Variants in RAD54L observed in about 807,000 individuals in gnomAD.
RAD54L encodes the protein RAD54 like.
In RAD54L, 74 loss-of-function variants were observed where a neutral mutation model predicts 91.6. The ratio of observed to expected loss-of-function variants is 0.81; its 90% confidence interval spans 0.67 to 0.98. The LOEUF (loss-of-function observed/expected upper bound fraction) is 0.98, where lower values mean the gene tolerates loss of function less well. RAD54L is among the 50% of genes least tolerant of loss of function. RAD54L has a pLI of 0.00. For missense variants in RAD54L, 887 were observed against 945.7 expected (o/e 0.94, Z 0.81); for synonymous variants, 304 against 349.7 (o/e 0.87, Z 1.46).
rs1035590952 is a variant in RAD54L, at chr1:46,265,858, G to T, written c.892-1601G>T. 6.6e-6 allele frequency among the ~76,000 whole-genome samples: 1 copy of T among 152,190 alleles called. No individual in the cohort carries two copies. Among genetic ancestry groups the T allele is most frequent in the African/African-American group, 2.4e-5 (1 of 41,438 alleles). ...CAGCTCTGCTACTTTCTACCGGCAT[G>T]ATTTTGGATAACTGTTTACCTCTCT... On this transcript the variant is annotated intron_variant, in intron 8 of 17. Transcript: ENST00000371975. This position sits in a 1 kb window ranked among gnomAD's most constrained non-coding sequence, Gnocchi z 4.8.
Position 46,272,777 on chromosome 1 carries a change from C to T in RAD54L, c.1350C>T (p.Ile450=), listed in dbSNP as rs776624974. The part of the protein sequence containing the change: ...GKMSVSSLSS[I]TSLKKLCNHP... ...TGAGTGTGTCTTCCCTTTCTTCCAT[C>T]ACCTCGCTAAAGAAGCTTTGTAATC... The change falls in exon 12 of 18, where the codon ATC becomes ATT. Residue 450 remains isoleucine (I), a synonymous_variant. Transcript: ENST00000371975. 17 of 1,614,048 alleles carry T rather than the reference C, an allele frequency of 1.1e-5. No individual in the cohort carries two copies. Among genetic ancestry groups the T allele is most frequent in the Non-Finnish European group, 1.4e-5 (16 of 1,180,034 alleles).
intron 9 of RAD54L, among the ~76,000 whole-genome samples, chr1:46,268,815 G>T (rs1660337501): frequency 6.6e-6 from 1 of 152,182 alleles, no homozygotes; most frequent in Non-Finnish European, 1.5e-5. Flanking sequence ...GCCCAGGCTG[G>T]AGTACAGCGT....
chr1:46,248,957 T>C (rs1466828570), intron 2 of RAD54L, among the ~76,000 whole-genome samples: 1 of 152,174 alleles, frequency 6.6e-6, no homozygotes, highest in East Asian at 1.9e-4. Flanking sequence ...TAGAGTGTTC[T>C]GGGCCTACCT....
intron 6 of RAD54L, 28 bp downstream of exon 6, chr1:46,260,639 T>A (rs938829540): frequency 2.0e-5 from 32 of 1,613,746 alleles, no homozygotes; most frequent in Admixed American, 8.3e-5. Flanking sequence ...GAACGAGGTA[T>A]GGGCTATGGG....
At chr1:46,254,211 G>A (rs1232003991) in intron 3 of RAD54L, among the ~76,000 whole-genome samples, 2 of 152,048 alleles carry the variant, frequency 1.3e-5, no homozygotes, top group Non-Finnish European at 2.9e-5. Context: ...TTGACCTTGA[G>A]TGATCTGCCT....
intron 16 of RAD54L, 35 bp from the exon 17 acceptor site, chr1:46,277,782 G>A (rs748932624): frequency 5.1e-6 from 8 of 1,570,252 alleles, no homozygotes; most frequent in Middle Eastern, 1.7e-4. Context: ...GCTAAGCGCT[G>A]TATCTTTTGA....
Position 46,249,989 on chromosome 1 carries a change from C to T in RAD54L, c.91-11C>T, listed in dbSNP as rs1659753354. On this transcript the variant is annotated splice_polypyrimidine_tract_variant and intron_variant, in intron 2 of 17. Transcript: ENST00000371975. ...CTTCTAGACTTCACCTTTCCCAATT[C>T]TCTCTCCTAGACTCCTAGGAAACGG... 1 of 1,613,702 alleles carries T rather than the reference C, an allele frequency of 6.2e-7. No homozygotes were observed. The highest frequency in any genetic ancestry group is 8.5e-7 in the Non-Finnish European group (1 of 1,179,612).
Position 46,265,097 on chromosome 1 carries a change from G to A in RAD54L, c.892-2362G>A, listed in dbSNP as rs913157739. Among the ~76,000 whole-genome samples the A allele has an allele frequency of 5.3e-5, 8 of 152,124 alleles. No homozygotes were observed. The highest frequency in any genetic ancestry group is 9.7e-5 in the African/African-American group (4 of 41,440). On this transcript the variant is annotated intron_variant, in intron 8 of 17. Transcript: ENST00000371975. This position sits in a 1 kb window ranked among gnomAD's most constrained non-coding sequence, Gnocchi z 4.8. Reference sequence around the variant, plus strand: ...CTGGACCTGTTGGGTAATTTCCTCTGACTTTCAAGTCTCATTTCCCTCTTC... The same window carrying A: ...CTGGACCTGTTGGGTAATTTCCTCTAACTTTCAAGTCTCATTTCCCTCTTC...
intron 16 of RAD54L, 79 bp downstream of exon 16, chr1:46,274,796 C>G (rs1269733317): frequency 1.3e-6 from 2 of 1,565,314 alleles, no homozygotes; most frequent in Non-Finnish European, 1.8e-6. Context: ...CTTAGTGCCT[C>G]TCTTTGGCCT....
chr1:46,257,677 T>C (rs1314983906), intron 3 of RAD54L, among the ~76,000 whole-genome samples: 1 of 152,208 alleles, frequency 6.6e-6, no homozygotes, highest in Non-Finnish European at 1.5e-5. Flanking sequence ...TTTTTCTTAG[T>C]GTTGGGCTTA....
chr1:46,258,970 C>T (rs1234864460), intron 4 of RAD54L, among the ~76,000 whole-genome samples: 6 of 152,108 alleles, frequency 3.9e-5, no homozygotes, highest in Non-Finnish European at 8.8e-5. Context: ...AGAGGTGTCC[C>T]GGTGCTCAGA....
chr1:46,259,358 G>A (rs1012265427), intron 4 of RAD54L, among the ~76,000 whole-genome samples: 1 of 152,078 alleles, frequency 6.6e-6, no homozygotes, highest in Admixed American at 6.6e-5. Flanking sequence ...CCATGAAAGT[G>A]CCCTTTAGAA....
intron 3 of RAD54L, among the ~76,000 whole-genome samples, chr1:46,252,779 T>G (rs1479758548): frequency 1.3e-5 from 2 of 152,076 alleles, no homozygotes; most frequent in Non-Finnish European, 2.9e-5. Context: ...ACATTAAAAA[T>G]GTACTTGCAG....
chr1:46,261,747 T>C (rs886688774), intron 8 of RAD54L, among the ~76,000 whole-genome samples: 1 of 152,118 alleles, frequency 6.6e-6, no homozygotes, highest in African/African-American at 2.4e-5. Context: ...TTTGCCAAGG[T>C]TGAGGATGCT....
At chr1:46,273,863 G>T in intron 14 of RAD54L, 116 bp downstream of exon 14, 2 of 1,421,048 alleles carry the variant, frequency 1.4e-6, no homozygotes, top group Non-Finnish European at 1.9e-6. Flanking sequence ...TTTCCCTGGA[G>T]ATATCTTCCC....
chr1:46,250,820 C>A (rs1020810504), intron 3 of RAD54L, among the ~76,000 whole-genome samples: 1 of 150,986 alleles, frequency 6.6e-6, no homozygotes. Context: ...ACTAAAAATA[C>A]AAAAATTAAC....
At chr1:46,249,419 G>T (rs1052448052) in intron 2 of RAD54L, among the ~76,000 whole-genome samples, 1 of 152,190 alleles carries the variant, frequency 6.6e-6, no homozygotes, top group Non-Finnish European at 1.5e-5. Context: ...TGTGCAAGGG[G>T]CTTCTCTACC....
At chr1:46,270,052 G>T (rs892371388) in intron 9 of RAD54L, among the ~76,000 whole-genome samples, 1 of 151,168 alleles carries the variant, frequency 6.6e-6, no homozygotes, top group Non-Finnish European at 1.5e-5. Context: ...CAGCCTGGGC[G>T]ACAGGGAGAG....
intron 5 of RAD54L, 88 bp downstream of exon 5, chr1:46,260,187 C>G (rs748876683): frequency 6.4e-7 from 1 of 1,569,638 alleles, no homozygotes; most frequent in East Asian, 2.2e-5. Flanking sequence ...GGTGTGATTT[C>G]TTTTTAGGAT....
Sources: allele counts gnomAD v4.1 joint callset (sites outside exome capture counted in the v4.1 genomes callset), GRCh38; gene constraint gnomAD v4.1.1; non-coding constraint Gnocchi (gnomAD v3.1); transcripts MANE v1.5; gene names NCBI Gene and HGNC (gene_info 2026-07-23, HGNC 2026-07-21).